Variants in ZNF444 observed in about 807,000 individuals in gnomAD.
The protein encoded by ZNF444 is zinc finger protein 444.
A neutral mutation model predicts 14.4 loss-of-function variants in ZNF444; 8 were observed. That is an observed-to-expected ratio of 0.56 (90% CI 0.33 to 1.00). ZNF444 has a LOEUF of 1.00. Ranked by LOEUF, ZNF444 falls within the 50% of genes least tolerant of loss-of-function variation. ZNF444 has a pLI of 0.03. For missense variants in ZNF444, 510 were observed against 504.8 expected (o/e 1.01, Z -0.10); for synonymous variants, 258 against 235.9 (o/e 1.09, Z -0.86).
At chr19:56,159,109 C>T (rs1224955311) in intron 4 of ZNF444, among the ~76,000 whole-genome samples, 16 of 151,670 alleles carry the variant, frequency 1.1e-4, no homozygotes, top group African/African-American at 3.6e-4. Flanking sequence ...ATCATCTACC[C>T]ATCCATCACC....
chr19:56,140,557 A>G (rs2030734792), upstream of ZNF444, among the ~76,000 whole-genome samples: 1 of 152,132 alleles, frequency 6.6e-6, no homozygotes, highest in Admixed American at 6.5e-5. Context: ...GGAAGAGCCA[A>G]ACCGAGGCCC....
At chr19:56,152,807 T>C (rs1437180835) in intron 3 of ZNF444, among the ~76,000 whole-genome samples, 1 of 151,706 alleles carries the variant, frequency 6.6e-6, no homozygotes, top group Non-Finnish European at 1.5e-5. Flanking sequence ...CTCTGGGGTC[T>C]CTTGTAGAAG....
At chr19:56,159,418 C>G (rs933695338) in intron 4 of ZNF444, among the ~76,000 whole-genome samples, 2 of 152,158 alleles carry the variant, frequency 1.3e-5, no homozygotes, top group Non-Finnish European at 2.9e-5. Flanking sequence ...AGCCAGCCAT[C>G]ATCTATTATG....
In ZNF444 at chr19:56,160,306, C is replaced by A; in HGVS notation, c.*105C>A. 1.1e-6 allele frequency: 1 copy of A among 915,804 alleles called. No individual in the cohort carries two copies. Among genetic ancestry groups the A allele is most frequent in the Admixed American group, 4.1e-5 (1 of 24,466 alleles). 56.7% of individuals were successfully genotyped at this position (915,804 alleles called of 1,614,324 possible). On this transcript the variant is annotated 3_prime_UTR_variant, in exon 5 of 5. Transcript: ENST00000337080. ...TCTTCCTCTCCTCCTTCCCTCCCAT[C>A]GTCCTCCTCCACCTGCGCCTCCCTT...
At chr19:56,155,977 A>G (rs2031880083) in intron 3 of ZNF444, 1 of 152,144 alleles carries the variant, frequency 6.6e-6, no homozygotes, top group African/African-American at 2.4e-5. Flanking sequence ...GCCCCAGGTT[A>G]TTTCATCTGT....
At position 56,144,494 on chromosome 19, in the gene ZNF444, G is replaced by C. The variant is rs1178826677; in HGVS notation, c.-196-1753G>C. 5.3e-5 allele frequency among the ~76,000 whole-genome samples: 8 copies of C among 152,094 alleles called. No individual in the cohort carries two copies. The highest frequency in any genetic ancestry group is 1.2e-4 in the Non-Finnish European group (8 of 67,998). ...CAAGGAAGTGACAGGGATTTACAGTGAAAAAGTTTTTGTGATCACTGTGGA... is the reference window on the plus strand; with the variant it reads ...CAAGGAAGTGACAGGGATTTACAGTCAAAAAGTTTTTGTGATCACTGTGGA... On this transcript the variant is annotated intron_variant, in intron 1 of 4. Transcript: ENST00000337080. This position sits in a 1 kb window ranked among gnomAD's most constrained non-coding sequence, Gnocchi z 4.0.
At chr19:56,153,847 T>C (rs2031735478) in intron 3 of ZNF444, among the ~76,000 whole-genome samples, 9 of 152,156 alleles carry the variant, frequency 5.9e-5, no homozygotes, top group Admixed American at 5.9e-4. Context: ...CAGAGGCAGC[T>C]GGGAGCACAG....
upstream of ZNF444, among the ~76,000 whole-genome samples, chr19:56,139,719 A>AAC (rs900157699): frequency 7.0e-6 from 1 of 142,058 alleles, no homozygotes; most frequent in Non-Finnish European, 1.5e-5. Context: ...AAAAACCAAA[A>AAC]AAAAAAAAAG....
intron 3 of ZNF444, chr19:56,157,122 G>A (rs960783769): frequency 6.6e-6 from 1 of 152,528 alleles, no homozygotes; most frequent in African/African-American, 2.4e-5. Flanking sequence ...AAGGGCCAAG[G>A]AGCTGGAGGG....
chr19:56,141,544 C>G, intron 1 of ZNF444, among the ~76,000 whole-genome samples, 187 bp downstream of exon 1: 1 of 56,938 alleles, frequency 1.8e-5, no homozygotes, highest in Non-Finnish European at 3.4e-5. Flanking sequence ...GGGGGAGGGA[C>G]TTGGAGAGGG....
chr19:56,148,368 A>G (rs1195528531), intron 3 of ZNF444, among the ~76,000 whole-genome samples: 1 of 152,078 alleles, frequency 6.6e-6, no homozygotes, highest in Non-Finnish European at 1.5e-5. Context: ...GTGAAGAGTC[A>G]GAGCAGTCGC....
rs1279156295 is a variant in ZNF444 at position 56,159,990 on chromosome 19, CCTT to C, written c.776_778del (p.Phe259del). Reference sequence around the variant, plus strand: ...CACGCGTGCTGCGAGTGTGGCAAGACCTTCTACTGGCGCGAGCACCTGGTGCGC... The same window carrying C: ...CACGCGTGCTGCGAGTGTGGCAAGACCTACTGGCGCGAGCACCTGGTGCGC... On this transcript the variant is annotated inframe_deletion, in exon 5 of 5. Transcript: ENST00000337080. The C allele has an allele frequency of 4.6e-6, 7 of 1,512,758 alleles. No homozygotes were observed. Among genetic ancestry groups the C allele is most frequent in the South Asian group, 2.4e-5 (2 of 82,516 alleles). The allele number at this position is 1,512,758 out of a possible 1,614,324, so 93.7% of individuals were successfully genotyped here.
chr19:56,138,834 T>TTGCC (rs1431517497), upstream of ZNF444, among the ~76,000 whole-genome samples: 2 of 133,406 alleles, frequency 1.5e-5, no homozygotes, highest in Non-Finnish European at 3.1e-5. Flanking sequence ...TCTGACTCTG[T>TTGCC]TGCCCGGACT....
At chr19:56,133,950 G>A (rs1261715727) in intron 1 of ZNF444, among the ~76,000 whole-genome samples, 1 of 152,086 alleles carries the variant, frequency 6.6e-6, no homozygotes, top group African/African-American at 2.4e-5. Context: ...TTTCTCAAAC[G>A]TTTCCTGTTG....
chr19:56,136,860 C>A (rs1020376578), upstream of ZNF444, among the ~76,000 whole-genome samples: 1 of 152,058 alleles, frequency 6.6e-6, no homozygotes, highest in African/African-American at 2.4e-5. Context: ...TGGCTCACCG[C>A]AACCTCTGCC....
intron 1 of ZNF444, chr19:56,141,592 A>G (rs1482844215): frequency 9.8e-6 from 1 of 101,526 alleles, no homozygotes; most frequent in Non-Finnish European, 2.0e-5. Flanking sequence ...TGGATCCTCG[A>G]GGTCCTGAAC....
intron 3 of ZNF444, among the ~76,000 whole-genome samples, chr19:56,152,845 C>A (rs2031668584): frequency 6.6e-6 from 1 of 152,042 alleles, no homozygotes; most frequent in Non-Finnish European, 1.5e-5. Context: ...TGAGGGCTCC[C>A]CCTTCATGAC....
chr19:56,148,982 C>T (rs1354687905), intron 3 of ZNF444, among the ~76,000 whole-genome samples: 1 of 152,162 alleles, frequency 6.6e-6, no homozygotes, highest in African/African-American at 2.4e-5. Flanking sequence ...GCTCATGGCC[C>T]TTCCTCCGTC....
rs1045808425 is a variant in ZNF444, at chr19:56,160,109, C to G, written c.892C>G (p.Arg298Gly). ...GRREHVLRHQ[R>G]IHGRAAASAQ... ...CCGCGAGCACGTGCTGCGCCACCAG[C>G]GCATCCACGGCCGGGCAGCGGCCAG... Residue 298 changes from arginine to glycine, a missense_variant, in exon 5 of 5, where the codon CGC (arginine) becomes GGC (glycine). Physicochemically the swap from Arg to Gly is moderately radical, Grantham distance 125. Coordinates refer to ENST00000337080, the MANE Select transcript of ZNF444 (RefSeq NM_018337.4). The G allele has an allele frequency of 2.3e-5, 34 of 1,493,782 alleles. No individual in the cohort carries two copies. Among genetic ancestry groups the G allele is most frequent in the Non-Finnish European group, 2.8e-5 (32 of 1,128,354 alleles). The allele number at this position is 1,493,782 out of a possible 1,614,324, so 92.5% of individuals were successfully genotyped here.
Sources: gnomAD v4.1 joint callset for allele counts (sites outside exome capture counted in the v4.1 genomes callset) on GRCh38, gnomAD v4.1.1 for gene constraint, Gnocchi (gnomAD v3.1) non-coding constraint, MANE v1.5 for transcripts, NCBI Gene and HGNC (gene_info 2026-07-23, HGNC 2026-07-21) for gene names.